SLC16A10: variants seen among roughly 807,000 people sequenced by gnomAD.
SLC16A10 encodes solute carrier family 16 member 10, also known as monocarboxylate transporter 10.
In SLC16A10, 27 loss-of-function variants were observed where a neutral mutation model predicts 40.0. The ratio of observed to expected loss-of-function variants is 0.67; its 90% confidence interval spans 0.50 to 0.93. The LOEUF is 0.93. SLC16A10 is among the 40% of genes least tolerant of loss of function. The pLI, the probability that SLC16A10 is intolerant of heterozygous loss-of-function variation, is 0.00. For missense variants in SLC16A10, 529 were observed against 658.2 expected (o/e 0.80, Z 2.15); for synonymous variants, 213 against 249.8 (o/e 0.85, Z 1.39).
chr6:111,205,909 T>C (rs760363039), intron 3 of SLC16A10, among the ~76,000 whole-genome samples: 4 of 152,210 alleles, frequency 2.6e-5, no homozygotes, highest in East Asian at 1.9e-4. Context: ...AACTCCAGAA[T>C]TGACCCTTGA....
At chr6:111,217,438 T>TTGA (rs1770775120) in intron 4 of SLC16A10, among the ~76,000 whole-genome samples, 1 of 135,010 alleles carries the variant, frequency 7.4e-6, no homozygotes, top group Non-Finnish European at 1.7e-5. Context: ...TGTTCAGTTT[T>TTGA]TGTTGTTGTT....
chr6:111,219,161 T>C (rs1770839976), intron 5 of SLC16A10, 119 bp downstream of exon 5: 2 of 919,272 alleles, frequency 2.2e-6, no homozygotes, highest in South Asian at 1.7e-5. Flanking sequence ...GGTCTTTTGC[T>C]TTTATGTGTG....
intron 1 of SLC16A10, among the ~76,000 whole-genome samples, chr6:111,111,170 A>G (rs1771378400): frequency 6.6e-6 from 1 of 152,218 alleles, no homozygotes; most frequent in African/African-American, 2.4e-5. Flanking sequence ...CCAAAAGGGC[A>G]AATTTTATGC....
At chr6:111,153,830 A>C (rs1772220929) in intron 1 of SLC16A10, among the ~76,000 whole-genome samples, 1 of 152,198 alleles carries the variant, frequency 6.6e-6, no homozygotes, top group South Asian at 2.1e-4. Flanking sequence ...TACAAAGATA[A>C]GATGCTTGCT....
chr6:111,210,977 C>T (rs1039319801), intron 4 of SLC16A10, among the ~76,000 whole-genome samples: 3 of 150,334 alleles, frequency 2.0e-5, no homozygotes, highest in South Asian at 2.1e-4. Context: ...GAGCCGAGAT[C>T]GCACTACTGC....
intron 1 of SLC16A10, among the ~76,000 whole-genome samples, chr6:111,107,134 G>C (rs1469882380): frequency 6.6e-6 from 1 of 152,008 alleles, no homozygotes; most frequent in East Asian, 1.9e-4. Flanking sequence ...AACGTATGAG[G>C]GGTCTTGGAA....
At chr6:111,191,029 A>G (rs1772981665) in intron 3 of SLC16A10, among the ~76,000 whole-genome samples, 1 of 151,672 alleles carries the variant, frequency 6.6e-6, no homozygotes, top group South Asian at 2.1e-4. Flanking sequence ...TTCCTTTTTT[A>G]TTATTATACT....
At chr6:111,182,704 G>C (rs1234997300) in intron 3 of SLC16A10, among the ~76,000 whole-genome samples, 1 of 152,102 alleles carries the variant, frequency 6.6e-6, no homozygotes, top group Non-Finnish European at 1.5e-5. Flanking sequence ...CTGAGGTCTT[G>C]ATCTTACCCC....
At chr6:111,120,236 C>A (rs1771560359) in intron 1 of SLC16A10, among the ~76,000 whole-genome samples, 1 of 152,146 alleles carries the variant, frequency 6.6e-6, no homozygotes, top group South Asian at 2.1e-4. Flanking sequence ...GTAATCCTTT[C>A]TTGGATTCTT....
intron 1 of SLC16A10, among the ~76,000 whole-genome samples, chr6:111,103,089 A>G (rs1443593274): frequency 6.6e-6 from 1 of 152,036 alleles, no homozygotes; most frequent in African/African-American, 2.4e-5. Context: ...TATTTTTTGT[A>G]GAGACGGGGT....
At position 111,222,040 on chromosome 6, in the gene SLC16A10, A is replaced by T; in HGVS notation, c.1353A>T (p.Ala451=). The T allele has an allele frequency of 1.2e-6, 2 of 1,609,922 alleles. No individual in the cohort carries two copies. Among genetic ancestry groups the T allele is most frequent in the Non-Finnish European group, 1.7e-6 (2 of 1,179,020 alleles). ...LRDKLGSYDV[A]FYLAGVPPLI... is the part of the protein sequence containing the mutation. ...ACAAACTGGGCTCCTATGATGTGGC[A>T]TTCTACCTCGCTGGAGTCCCTCCCC... The change falls in exon 6 of 6, where the codon GCA becomes GCT. Residue 451 remains alanine, a synonymous_variant. Transcript: ENST00000368851.
At chr6:111,104,780 C>G (rs756641879) in intron 1 of SLC16A10, among the ~76,000 whole-genome samples, 1 of 152,012 alleles carries the variant, frequency 6.6e-6, no homozygotes, top group Non-Finnish European at 1.5e-5. Context: ...CTGTCTTGAG[C>G]GGACTCAGGG....
chr6:111,215,126 T>TA (rs1220061129), intron 4 of SLC16A10, among the ~76,000 whole-genome samples: 3 of 150,010 alleles, frequency 2.0e-5, no homozygotes, highest in Non-Finnish European at 4.4e-5. Context: ...CTCAAAAAAA[T>TA]AAAAAAAATA....
At chr6:111,216,949 G>T (rs1178186039) in intron 4 of SLC16A10, among the ~76,000 whole-genome samples, 1 of 152,104 alleles carries the variant, frequency 6.6e-6, no homozygotes, top group East Asian at 1.9e-4. Flanking sequence ...ACCTTCAGAG[G>T]CCCTCAGATT....
chr6:111,214,492 T>G (rs1485254821), intron 4 of SLC16A10, among the ~76,000 whole-genome samples: 1 of 152,336 alleles, frequency 6.6e-6, no homozygotes, highest in Non-Finnish European at 1.5e-5. Flanking sequence ...ATGTGCTCCT[T>G]GTGGCCCAGG....
intron 1 of SLC16A10, among the ~76,000 whole-genome samples, chr6:111,098,232 C>T (rs1297704639): frequency 1.3e-5 from 2 of 151,886 alleles, no homozygotes; most frequent in Non-Finnish European, 2.9e-5. Flanking sequence ...CTTGAACCCG[C>T]GAGTTGGAGG....
chr6:111,111,557 CA>C (rs1319403158), intron 1 of SLC16A10, among the ~76,000 whole-genome samples: 1 of 152,030 alleles, frequency 6.6e-6, no homozygotes, highest in African/African-American at 2.4e-5. Flanking sequence ...CCCGTCTCTA[CA>C]AAAAATAATA....
intron 1 of SLC16A10, among the ~76,000 whole-genome samples, chr6:111,141,915 C>T (rs948150009): frequency 6.6e-6 from 1 of 152,116 alleles, no homozygotes; most frequent in African/African-American, 2.4e-5. Context: ...ATCAAAATCC[C>T]CGCTAGTTAT....
intron 1 of SLC16A10, among the ~76,000 whole-genome samples, chr6:111,125,461 G>A (rs1340622290): frequency 6.6e-6 from 1 of 152,086 alleles, no homozygotes; most frequent in Non-Finnish European, 1.5e-5. Context: ...TTACCATAAC[G>A]ATTAAGGCTC....
Sources: allele counts gnomAD v4.1 joint callset (sites outside exome capture counted in the v4.1 genomes callset), GRCh38; gene constraint gnomAD v4.1.1; transcripts MANE v1.5; gene names NCBI Gene and HGNC (gene_info 2026-07-23, HGNC 2026-07-21).